The following SYNE2 variants were observed in gnomAD, a reference collection of about 807,000 sequenced individuals.
The protein encoded by SYNE2 is spectrin repeat containing nuclear envelope protein 2.
SYNE2 carries 431 observed loss-of-function variants against 856.3 expected under a neutral mutation model. The ratio of observed to expected loss-of-function variants is 0.50; its 90% CI spans 0.47 to 0.55. The LOEUF is 0.55. Ranked by LOEUF, SYNE2 falls within the 20% of genes least tolerant of loss-of-function variation. SYNE2 has a pLI of 0.00. For missense variants in SYNE2, 8,129 were observed against 8,023.2 expected (o/e 1.01, Z -0.50); for synonymous variants, 2,923 against 2,872.3 (o/e 1.02, Z -0.56).
At position 64,002,150 on chromosome 14, in the gene SYNE2, G is replaced by A. The variant is rs1046375257; in HGVS notation, c.3786+69G>A. ...TCTTTTGAGATTTATAAATCCTTAT[G>A]GATTTTTAATTATTCATGATAGCAT... On this transcript the variant is annotated intron_variant, in intron 29 of 115. Coordinates refer to ENST00000555002, the MANE Select transcript of SYNE2 (RefSeq NM_182914.3). 74 of 1,308,272 alleles carry A rather than the reference G, an allele frequency of 5.7e-5. 1 individual carries two copies. In the South Asian group the frequency reaches 8.2e-4, roughly 14 times the overall value. The allele number at this position is 1,308,272 out of a possible 1,614,324, so 81.0% of individuals were successfully genotyped here.
intron 99 of SYNE2, among the ~76,000 whole-genome samples, chr14:64,191,600 G>C (rs1319801993): frequency 6.6e-6 from 1 of 152,166 alleles, no homozygotes; most frequent in African/African-American, 2.4e-5. Flanking sequence ...AGATGGGCTG[G>C]GGCTAAATCT....
intron 57 of SYNE2, chr14:64,084,653 C>T (rs778534099): frequency 3.5e-6 from 1 of 286,986 alleles, no homozygotes; most frequent in Non-Finnish European, 6.5e-6. Flanking sequence ...TGTTTATCTA[C>T]CAGTTAATAG....
At chr14:64,136,701 G>C (rs2098093737) in intron 78 of SYNE2, among the ~76,000 whole-genome samples, 1 of 152,096 alleles carries the variant, frequency 6.6e-6, no homozygotes, top group African/African-American at 2.4e-5. Flanking sequence ...TTTTTCTAAA[G>C]TTTTCTTCCT....
At chr14:63,800,252 C>T (rs1365539028) in intron 1 of SYNE2, among the ~76,000 whole-genome samples, 2 of 151,714 alleles carry the variant, frequency 1.3e-5, no homozygotes, top group Non-Finnish European at 2.9e-5. Flanking sequence ...GAGACGGAGT[C>T]TCCTTCTGTT....
chr14:64,038,681 A>T (rs1165657118), intron 45 of SYNE2, among the ~76,000 whole-genome samples: 1 of 152,234 alleles, frequency 6.6e-6, no homozygotes, highest in Non-Finnish European at 1.5e-5. Flanking sequence ...TCTCCATCAA[A>T]AAAATACGAA....
chr14:63,925,338 A>G (rs1311921572), intron 2 of SYNE2, among the ~76,000 whole-genome samples: 1 of 152,062 alleles, frequency 6.6e-6, no homozygotes, highest in East Asian at 1.9e-4. Context: ...ACAAAACTAA[A>G]CTAAACTAAA....
In SYNE2 at chr14:63,995,085, A is replaced by G; in HGVS notation, c.2823A>G (p.Lys941=). 6.4e-7 allele frequency: 1 copy of G among 1,574,178 alleles called. No homozygotes were observed. The highest frequency in any genetic ancestry group is 8.7e-7 in the Non-Finnish European group (1 of 1,152,252). The change falls in exon 23 of 116, where the codon AAA becomes AAG. Residue 941 remains lysine (K), a synonymous_variant. Coordinates refer to ENST00000555002, the MANE Select transcript of SYNE2 (RefSeq NM_182914.3). ...TGTCTTTATATGTTCAACAACTAAA[A>G]ATAGATATTGAAAAAGGAAAGCTTA... ...HELSLYVQQL[K]IDIEKGKLSD...
intron 18 of SYNE2, among the ~76,000 whole-genome samples, 153 bp downstream of exon 18, chr14:63,984,039 C>T (rs1238079773): frequency 6.6e-6 from 1 of 152,062 alleles, no homozygotes; most frequent in Non-Finnish European, 1.5e-5. Flanking sequence ...CTCAGGAGTT[C>T]GAAATCAGCC....
At chr14:64,222,863 A>G (rs949665026) in intron 112 of SYNE2, among the ~76,000 whole-genome samples, 1 of 152,214 alleles carries the variant, frequency 6.6e-6, no homozygotes, top group Non-Finnish European at 1.5e-5. Context: ...GATTGACTTT[A>G]GAGTTTCCCT....
rs2098656174 is a variant in SYNE2, at chr14:64,214,398, C to T, written c.19261C>T (p.His6421Tyr). 1 of 1,613,962 alleles carries T rather than the reference C, an allele frequency of 6.2e-7. No homozygotes were observed. The highest frequency in any genetic ancestry group is 1.3e-5 in the African/African-American group (1 of 74,894). The stretch of plus-strand genomic sequence containing the variant: ...GGACTCCATCCCCCTGGAGTGGGAC[C>T]ACACAGGCGACGTGGGGGGCTCCTC... ...SVDSIPLEWD[H>Y]TGDVGGSSSH... Residue 6421 changes from histidine (H) to tyrosine (Y), a missense_variant, in exon 106 of 116, where the codon CAC (histidine) becomes TAC (tyrosine). His to Tyr is a moderately conservative substitution (Grantham distance 83). This residue lies in a region of SYNE2 where 5,410 missense variants were observed against 5,284.8 expected (regional missense o/e 1.02). Coordinates refer to ENST00000555002, the MANE Select transcript of SYNE2 (RefSeq NM_182914.3).
At chr14:64,159,501 A>AT in intron 87 of SYNE2, 59 bp downstream of exon 87, 1 of 1,588,588 alleles carries the variant, frequency 6.3e-7, no homozygotes. Context: ...CTTGTGAAGA[A>AT]TGAGGGGGCA....
At position 63,986,595 on chromosome 14, in the gene SYNE2, C is replaced by A; in HGVS notation, c.2291C>A (p.Thr764Asn). The A allele has an allele frequency of 6.2e-7, 1 of 1,614,032 alleles. No homozygotes were observed. Among genetic ancestry groups the A allele is most frequent in the Non-Finnish European group, 8.5e-7 (1 of 1,179,988 alleles). ...GTTTTGGATCAAGATGATGTGGACA[C>A]CTCAATGGAAGAATCTTTGAAGGTA... ...KSVLDQDDVD[T>N]SMEESLKHLI... The change falls in exon 19 of 116, where the codon ACC (threonine) becomes AAC (asparagine). Residue 764 changes from threonine (T) to asparagine (N), a missense_variant. Coordinates refer to ENST00000555002, the MANE Select transcript of SYNE2 (RefSeq NM_182914.3).
intron 94 of SYNE2, among the ~76,000 whole-genome samples, chr14:64,174,169 TAAAGTGATTCTTGGG>T (rs952291896): frequency 6.6e-6 from 1 of 152,020 alleles, no homozygotes; most frequent in Admixed American, 6.6e-5. Context: ...CCTCCCAGGT[TAAAGTGATTCTTGGG>T]ACTCAGCCTC....
chr14:64,004,127 C>T (rs867729691), intron 30 of SYNE2, among the ~76,000 whole-genome samples: 6 of 151,788 alleles, frequency 4.0e-5, no homozygotes, highest in South Asian at 2.1e-4. Flanking sequence ...TGGGTTCAAG[C>T]GATTCCCCTG....
chr14:63,930,710 A>G (rs2095741935), intron 2 of SYNE2, among the ~76,000 whole-genome samples: 1 of 151,850 alleles, frequency 6.6e-6, no homozygotes, highest in Non-Finnish European at 1.5e-5. Flanking sequence ...AACTTTTTGT[A>G]TTTTTAGTAG....
At chr14:64,166,797 G>T (rs1476405486) in intron 90 of SYNE2, 1 of 232,372 alleles carries the variant, frequency 4.3e-6, no homozygotes, top group Non-Finnish European at 8.5e-6. Flanking sequence ...GCCAGGTGTG[G>T]TGGCAGGCAC....
Position 64,219,253 on chromosome 14 carries a change from A to G in SYNE2, c.19703A>G (p.Asn6568Ser), listed in dbSNP as rs201715228. The stretch of plus-strand genomic sequence containing the variant: ...ATGATTCAAGCACAGGAGCTTCACA[A>G]TAAGCTCAAAATAAAACAAAATTTG... ...WEMIQAQELH[N>S]KLKIKQNLQQ... Residue 6568 changes from asparagine to serine, a missense_variant, in exon 110 of 116, where the codon AAT (asparagine) becomes AGT (serine). Asn to Ser is a conservative substitution (Grantham distance 46). Coordinates refer to ENST00000555002, the MANE Select transcript of SYNE2 (RefSeq NM_182914.3). The G allele has an allele frequency of 1.1e-5, 18 of 1,613,960 alleles. No individual in the cohort carries two copies. Among genetic ancestry groups the G allele is most frequent in the African/African-American group, 6.7e-5 (5 of 74,868 alleles).
At chr14:63,807,489 T>C (rs1888405960) in intron 1 of SYNE2, among the ~76,000 whole-genome samples, 1 of 152,050 alleles carries the variant, frequency 6.6e-6, no homozygotes, top group Non-Finnish European at 1.5e-5. Flanking sequence ...GGATATCTTG[T>C]GTGGTCAAAG....
intron 1 of SYNE2, among the ~76,000 whole-genome samples, chr14:63,887,257 G>C (rs543737987): frequency 1.0e-3 from 154 of 151,956 alleles, no homozygotes; most frequent in African/African-American, 3.6e-3. Flanking sequence ...TTCCAGCTGG[G>C]CAACAGAGTG....
Sources: gnomAD v4.1 joint callset for allele counts (sites outside exome capture counted in the v4.1 genomes callset) on GRCh38, gnomAD v4.1.1 for gene constraint, gnomAD v4.1.1 regional missense constraint, MANE v1.5 for transcripts, NCBI Gene and HGNC (gene_info 2026-07-23, HGNC 2026-07-21) for gene names.